The following ATRNL1 variants were observed in gnomAD, a reference collection of about 807,000 sequenced individuals.
ATRNL1 encodes attractin-like protein 1.
ATRNL1 carries 95 observed loss-of-function variants against 182.7 expected under a neutral mutation model. The ratio of observed to expected loss-of-function variants is 0.52; its 90% CI spans 0.44 to 0.62. The LOEUF (loss-of-function observed/expected upper bound fraction) is 0.62, where lower values mean the gene tolerates loss of function less well. Ranked by LOEUF, ATRNL1 falls within the 20% of genes least tolerant of loss-of-function variation. The pLI, the probability that ATRNL1 is intolerant of heterozygous loss-of-function variation, is 0.00. For synonymous variants in ATRNL1, 576 were observed against 568.3 expected (o/e 1.01, Z -0.19); for missense variants, 1,471 against 1,679.5 (o/e 0.88, Z 2.17).
intron 8 of ATRNL1, among the ~76,000 whole-genome samples, chr10:115,187,964 G>A (rs1848015291): frequency 6.7e-6 from 1 of 149,906 alleles, no homozygotes; most frequent in Non-Finnish European, 1.5e-5. Context: ...ATAGGCGTGA[G>A]CCACCGCACC....
intron 5 of ATRNL1, among the ~76,000 whole-genome samples, chr10:115,134,289 G>A (rs1430492424): frequency 6.6e-6 from 1 of 151,926 alleles, no homozygotes; most frequent in South Asian, 2.1e-4. Context: ...TAGACCATTA[G>A]CAAGACTAAT....
chr10:115,799,311 G>C (rs1949736305), intron 27 of ATRNL1, among the ~76,000 whole-genome samples: 1 of 152,096 alleles, frequency 6.6e-6, no homozygotes. Flanking sequence ...AATTAGAATA[G>C]CTTGAATTGA....
At chr10:115,646,433 G>T (rs1338891702) in intron 26 of ATRNL1, among the ~76,000 whole-genome samples, 2 of 151,904 alleles carry the variant, frequency 1.3e-5, no homozygotes, top group Non-Finnish European at 2.9e-5. Context: ...CCATTTTATG[G>T]CTGCTTCATT....
At chr10:115,662,408 C>A (rs939571929) in intron 26 of ATRNL1, among the ~76,000 whole-genome samples, 32 of 151,996 alleles carry the variant, frequency 2.1e-4, no homozygotes, top group Non-Finnish European at 4.0e-4. Context: ...TGTGGCGATT[C>A]CTCAGGGATC....
intron 21 of ATRNL1, among the ~76,000 whole-genome samples, chr10:115,444,818 G>A (rs911587032): frequency 5.3e-5 from 8 of 151,760 alleles, no homozygotes; most frequent in Non-Finnish European, 1.0e-4. Context: ...TGCAACTTCC[G>A]CCTCTCGGGT....
chr10:115,257,746 C>T (rs192920713), intron 10 of ATRNL1, among the ~76,000 whole-genome samples: 303 of 152,246 alleles, frequency 2.0e-3, no homozygotes, highest in African/African-American at 6.8e-3. Flanking sequence ...TGGCTAGTCC[C>T]GTTTGTTTCT....
chr10:115,428,108 T>A (rs1845987392), intron 21 of ATRNL1, among the ~76,000 whole-genome samples: 1 of 152,088 alleles, frequency 6.6e-6, no homozygotes, highest in Non-Finnish European at 1.5e-5. Flanking sequence ...TAGTTATAAC[T>A]GTACACATAT....
chr10:115,247,449 AG>A (rs1243290595), intron 10 of ATRNL1, among the ~76,000 whole-genome samples: 1 of 152,242 alleles, frequency 6.6e-6, no homozygotes, highest in African/African-American at 2.4e-5. Context: ...AGTATTCATC[AG>A]GGAAATACAA....
chr10:115,374,441 C>CCTTCCTT (rs1452235113), intron 19 of ATRNL1, among the ~76,000 whole-genome samples: 2 of 125,076 alleles, frequency 1.6e-5, no homozygotes, highest in African/African-American at 3.4e-5. Flanking sequence ...CCTTCTCCTT[C>CCTTCCTT]TCCTTCCTTC....
chr10:115,666,087 G>A (rs1020277224), intron 26 of ATRNL1, among the ~76,000 whole-genome samples: 4 of 152,048 alleles, frequency 2.6e-5, no homozygotes, highest in Non-Finnish European at 5.9e-5. Flanking sequence ...AAATTCAAAG[G>A]ACACCTGTAA....
At chr10:115,545,902 A>G (rs2133800179) in intron 25 of ATRNL1, among the ~76,000 whole-genome samples, 1 of 152,314 alleles carries the variant, frequency 6.6e-6, no homozygotes, top group Middle Eastern at 3.4e-3. Context: ...CAGAGAAGTC[A>G]GGGGAAAGGG....
At chr10:115,393,943 C>T (rs782553111) in intron 19 of ATRNL1, among the ~76,000 whole-genome samples, 8 of 151,922 alleles carry the variant, frequency 5.3e-5, no homozygotes, top group Non-Finnish European at 8.8e-5. Context: ...TGGAAAGTTT[C>T]GTCTAGTACT....
chr10:115,162,502 TAACAG>T (rs1256608074), intron 6 of ATRNL1, among the ~76,000 whole-genome samples: 1 of 151,828 alleles, frequency 6.6e-6, no homozygotes, highest in Non-Finnish European at 1.5e-5. Flanking sequence ...ATTAGAGTGA[TAACAG>T]AGGAGAGAGA....
intron 26 of ATRNL1, among the ~76,000 whole-genome samples, chr10:115,609,469 A>G (rs1242115985): frequency 1.3e-5 from 2 of 152,202 alleles, no homozygotes. Context: ...AATTAGAGTT[A>G]AAAACTATTA....
chr10:115,850,117 A>T (rs963483380), intron 28 of ATRNL1, among the ~76,000 whole-genome samples: 2 of 152,148 alleles, frequency 1.3e-5, no homozygotes, highest in African/African-American at 2.4e-5. Flanking sequence ...TTGCAGCATT[A>T]TCTGTTATCT....
intron 7 of ATRNL1, among the ~76,000 whole-genome samples, chr10:115,166,113 A>G (rs1209346475): frequency 2.6e-5 from 4 of 152,022 alleles, no homozygotes; most frequent in African/African-American, 7.2e-5. Context: ...GTCTCTGTGA[A>G]TTTAACTGCT....
At position 115,928,799 on chromosome 10, in the gene ATRNL1, T is replaced by C. The variant is rs1953311180; in HGVS notation, c.4019-15859T>C. On this transcript the variant is annotated intron_variant, in intron 28 of 28. Transcript: ENST00000355044. ...AAATATTTTTCAACTTCTTGGTTCA[T>C]AGGACTTAATCAGTGTTTCATGTAT... Among the ~76,000 whole-genome samples the C allele has an allele frequency of 2.0e-5, 3 of 152,174 alleles. No individual in the cohort carries two copies. In the South Asian group the frequency reaches 6.2e-4, roughly 32 times the overall value.
At chr10:115,719,635 A>C (rs10885790) in intron 26 of ATRNL1, among the ~76,000 whole-genome samples, 56,967 of 151,938 alleles carry the variant, frequency 0.37, 11,538 homozygotes, top group East Asian at 0.6. Flanking sequence ...TCTGGAATGG[A>C]TGTGATAATT....
At chr10:115,574,566 G>T (rs1854598852) in intron 26 of ATRNL1, among the ~76,000 whole-genome samples, 1 of 152,034 alleles carries the variant, frequency 6.6e-6, no homozygotes, top group African/African-American at 2.4e-5. Flanking sequence ...TCTGCAACTT[G>T]TACTGAATAT....
Sources: allele counts gnomAD v4.1 joint callset (sites outside exome capture counted in the v4.1 genomes callset), GRCh38; gene constraint gnomAD v4.1.1; transcripts MANE v1.5; gene names NCBI Gene and HGNC (gene_info 2026-07-23, HGNC 2026-07-21).